The following DLG2 variants were observed in gnomAD, a reference collection of about 807,000 sequenced individuals.
The protein encoded by DLG2 is disks large homolog 2.
Under a neutral mutation model 132.5 loss-of-function variants are expected in DLG2, and 45 were observed. The ratio of observed to expected loss-of-function variants is 0.34; its 90% CI spans 0.27 to 0.44. The LOEUF is 0.44. DLG2 is among the 20% of genes least tolerant of loss of function. The probability of loss-of-function intolerance (pLI) is 1.00; values close to 1 mark genes in which losing one functional copy is unlikely to be tolerated. For synonymous variants in DLG2, 424 were observed against 419.6 expected (o/e 1.01, Z -0.13); for missense variants, 1,045 against 1,196.9 (o/e 0.87, Z 1.87).
At chr11:84,540,959 CA>C (rs774059845) in intron 6 of DLG2, among the ~76,000 whole-genome samples, 18 of 152,044 alleles carry the variant, frequency 1.2e-4, no homozygotes, top group Admixed American at 2.0e-4. Flanking sequence ...CCAAACACTG[CA>C]TGTTCTCACT....
intron 7 of DLG2, among the ~76,000 whole-genome samples, chr11:84,426,540 T>C (rs960175657): frequency 6.6e-6 from 1 of 152,130 alleles, no homozygotes; most frequent in African/African-American, 2.4e-5. Context: ...ATTGTGAATA[T>C]TGCTAAATTA....
At chr11:84,336,698 G>A (rs773055295) in intron 7 of DLG2, among the ~76,000 whole-genome samples, 21 of 152,122 alleles carry the variant, frequency 1.4e-4, no homozygotes, top group Non-Finnish European at 2.6e-4. Flanking sequence ...ATGGCTCCCC[G>A]GGAGCCAAGT....
At chr11:85,005,523 CTGTT>C (rs139150437) in intron 6 of DLG2, among the ~76,000 whole-genome samples, 1,681 of 152,252 alleles carry the variant, frequency 0.011, 32 homozygotes, top group African/African-American at 0.038. Flanking sequence ...ATTTGGCTCT[CTGTT>C]TGTCTATTAT....
At chr11:84,654,254 C>G (rs1253546835) in intron 6 of DLG2, among the ~76,000 whole-genome samples, 1 of 152,146 alleles carries the variant, frequency 6.6e-6, no homozygotes, top group Admixed American at 6.6e-5. Flanking sequence ...CTCACTGAAT[C>G]TTGAAGATTA....
At chr11:83,760,508 C>T (rs1385284589) in intron 18 of DLG2, among the ~76,000 whole-genome samples, 2 of 151,816 alleles carry the variant, frequency 1.3e-5, no homozygotes, top group Non-Finnish European at 2.9e-5. Context: ...GTGCCTGCCA[C>T]CACGCCCGGC....
chr11:84,339,251 G>T (rs899658733), intron 7 of DLG2, among the ~76,000 whole-genome samples: 13 of 152,128 alleles, frequency 8.5e-5, no homozygotes, highest in Non-Finnish European at 2.9e-5. Flanking sequence ...AAAAGCAAAA[G>T]TAATAGGATG....
In DLG2 at chr11:83,786,711, T is replaced by A; in HGVS notation, c.1804A>T (p.Ile602Leu). Residue 602 changes from isoleucine (I) to leucine (L), a missense_variant, in exon 18 of 28, where the codon ATA becomes TTA. This residue lies in a region of DLG2 where 398 missense variants were observed against 543.6 expected (regional missense o/e 0.73). Coordinates refer to ENST00000376104, the MANE Select transcript of DLG2 (RefSeq NM_001142699.3). ...LKGAGQTVTI[I>L]AQYQPEDYAR... ...TGACCTTCAGGTTGATATTGTGCTA[T>A]AATCGTCACTGTCTGTCCAGCCCCC... is the stretch of plus-strand genomic sequence containing the variant. 1.2e-6 allele frequency: 2 copies of A among 1,614,162 alleles called. No homozygotes were observed. The highest frequency in any genetic ancestry group is 8.5e-7 in the Non-Finnish European group (1 of 1,179,990).
chr11:85,460,474 C>T (rs748633023), intron 3 of DLG2, among the ~76,000 whole-genome samples: 2 of 152,228 alleles, frequency 1.3e-5, no homozygotes, highest in Non-Finnish European at 2.9e-5. Context: ...TGGGAGCCTA[C>T]TCTGGCTCCA....
At chr11:85,186,347 A>G (rs72945948) in intron 4 of DLG2, among the ~76,000 whole-genome samples, 7,194 of 152,122 alleles carry the variant, frequency 0.047, 243 homozygotes, top group East Asian at 0.094. Flanking sequence ...CTTTTTTAGT[A>G]CTAAGTCTTT....
chr11:85,404,086 G>A (rs950514890), intron 3 of DLG2, among the ~76,000 whole-genome samples: 2 of 152,086 alleles, frequency 1.3e-5, no homozygotes, highest in Non-Finnish European at 2.9e-5. Context: ...ATCATTTTAT[G>A]AAAAGAGTAG....
intron 3 of DLG2, among the ~76,000 whole-genome samples, chr11:85,364,650 C>T (rs946626090): frequency 6.6e-6 from 1 of 151,988 alleles, no homozygotes; most frequent in African/African-American, 2.4e-5. Context: ...AATGTGAATA[C>T]TTGTTTGGGG....
chr11:84,970,270 A>C (rs961341978), intron 6 of DLG2, among the ~76,000 whole-genome samples: 3 of 152,140 alleles, frequency 2.0e-5, no homozygotes, highest in Admixed American at 6.6e-5. Context: ...TTTATCTTTC[A>C]GAACTTCCCC....
intron 7 of DLG2, among the ~76,000 whole-genome samples, chr11:84,306,987 C>T (rs1204074875): frequency 6.6e-6 from 1 of 152,206 alleles, no homozygotes; most frequent in Non-Finnish European, 1.5e-5. Flanking sequence ...AAACCCATTA[C>T]TGAGTATATA....
intron 3 of DLG2, among the ~76,000 whole-genome samples, chr11:85,386,257 A>C (rs1405327041): frequency 1.3e-5 from 2 of 152,152 alleles, no homozygotes; most frequent in Non-Finnish European, 2.9e-5. Flanking sequence ...TCATATGTTA[A>C]CTTACTTAGC....
intron 3 of DLG2, among the ~76,000 whole-genome samples, chr11:85,432,898 A>T (rs1448099368): frequency 6.6e-6 from 1 of 152,200 alleles, no homozygotes; most frequent in Non-Finnish European, 1.5e-5. Context: ...GAAGGAAAAA[A>T]TGTTAAGGGC....
intron 17 of DLG2, among the ~76,000 whole-genome samples, chr11:83,820,267 A>G (rs898576237): frequency 6.6e-6 from 1 of 152,176 alleles, no homozygotes; most frequent in African/African-American, 2.4e-5. Context: ...AAGAGCAGCT[A>G]AATAGTCAGG....
intron 21 of DLG2, among the ~76,000 whole-genome samples, chr11:83,506,625 C>T (rs1284428544): frequency 2.6e-5 from 4 of 152,128 alleles, no homozygotes; most frequent in Non-Finnish European, 5.9e-5. Context: ...TTTATCTCCT[C>T]AGACAAATGT....
chr11:83,550,378 T>C (rs751809349), intron 19 of DLG2, among the ~76,000 whole-genome samples: 1 of 152,160 alleles, frequency 6.6e-6, no homozygotes, highest in Non-Finnish European at 1.5e-5. Flanking sequence ...ATTTCACATG[T>C]CCGGGGGCTT....
At chr11:84,337,644 A>G (rs902011200) in intron 7 of DLG2, among the ~76,000 whole-genome samples, 6 of 152,196 alleles carry the variant, frequency 3.9e-5, no homozygotes, top group Admixed American at 1.3e-4. Context: ...TGACTATATA[A>G]TTTGGTACCT....
Sources: gnomAD v4.1 joint callset for allele counts (sites outside exome capture counted in the v4.1 genomes callset) on GRCh38, gnomAD v4.1.1 for gene constraint, gnomAD v4.1.1 regional missense constraint, MANE v1.5 for transcripts, NCBI Gene and HGNC (gene_info 2026-07-23, HGNC 2026-07-21) for gene names.